The following BLNK variants were observed in gnomAD, a reference collection of about 807,000 sequenced individuals.
BLNK encodes B cell linker.
In BLNK, 29 loss-of-function variants were observed where a neutral mutation model predicts 73.5. The observed-to-expected ratio is 0.39, with a 90% CI of 0.29 to 0.54. The LOEUF is 0.54. BLNK is among the 20% of genes least tolerant of loss of function. The pLI, the probability that BLNK is intolerant of heterozygous loss-of-function variation, is 0.61. For synonymous variants in BLNK, 176 were observed against 200.8 expected, an observed-to-expected ratio of 0.88 and a Z score of 1.04; for missense variants, 460 against 562.8, an observed-to-expected ratio of 0.82 and a Z score of 1.85.
intron 1 of BLNK, among the ~76,000 whole-genome samples, chr10:96,248,456 G>A (rs1404929195): frequency 6.6e-6 from 1 of 152,076 alleles, no homozygotes; most frequent in East Asian, 1.9e-4. Context: ...ATGTCTTTTC[G>A]CCTATCAGAC....
intron 3 of BLNK, among the ~76,000 whole-genome samples, chr10:96,231,271 G>A (rs371359816): frequency 1.3e-5 from 2 of 152,192 alleles, no homozygotes; most frequent in East Asian, 1.9e-4. Flanking sequence ...TCTGAGCCTC[G>A]GTTTCCAGAT....
chr10:96,230,957 G>T, intron 3 of BLNK, 123 bp from the exon 4 acceptor site: 1 of 939,754 alleles, frequency 1.1e-6, no homozygotes, highest in South Asian at 1.4e-5. Flanking sequence ...CCATATACTT[G>T]ACCTTGGGTT....
chr10:96,193,163 T>A (rs1554893904), intron 16 of BLNK, among the ~76,000 whole-genome samples: 1 of 152,226 alleles, frequency 6.6e-6, no homozygotes, highest in African/African-American at 2.4e-5. Flanking sequence ...ATACCTTTAG[T>A]CTTTATTCTT....
intron 1 of BLNK, among the ~76,000 whole-genome samples, chr10:96,255,477 G>T (rs1667525108): frequency 6.6e-6 from 1 of 151,548 alleles, no homozygotes; most frequent in Admixed American, 6.6e-5. Context: ...GACAATGATA[G>T]GCAGGTTTCA....
chr10:96,236,659 A>C (rs1842702031), intron 3 of BLNK, among the ~76,000 whole-genome samples: 2 of 151,990 alleles, frequency 1.3e-5, no homozygotes, highest in South Asian at 4.2e-4. Context: ...TTGTCTCTAC[A>C]AAAAAGATTT....
chr10:96,204,685 A>C, intron 11 of BLNK, 69 bp from the exon 12 acceptor site: 1 of 1,502,984 alleles, frequency 6.7e-7, no homozygotes, highest in Non-Finnish European at 9.2e-7. Flanking sequence ...ACCCAGCAAC[A>C]TCAGCTGAGA....
intron 1 of BLNK, among the ~76,000 whole-genome samples, chr10:96,263,251 G>A (rs1467212203): frequency 6.6e-6 from 1 of 152,184 alleles, no homozygotes; most frequent in African/African-American, 2.4e-5. Context: ...GACCCTGTGC[G>A]ACTGTATGGC....
At chr10:96,227,805 C>T (rs376396060) in intron 4 of BLNK, among the ~76,000 whole-genome samples, 1 of 152,146 alleles carries the variant, frequency 6.6e-6, no homozygotes, top group South Asian at 2.1e-4. Flanking sequence ...AACTACTTAA[C>T]GCTAATGGGA....
At chr10:96,209,803 G>C in intron 9 of BLNK, 35 bp downstream of exon 9, 1 of 1,613,482 alleles carries the variant, frequency 6.2e-7, no homozygotes, top group Non-Finnish European at 8.5e-7. Context: ...TCACTCCCCA[G>C]ATCTCAAAAG....
chr10:96,209,546 C>T (rs2083899338), intron 9 of BLNK, among the ~76,000 whole-genome samples: 1 of 152,194 alleles, frequency 6.6e-6, no homozygotes, highest in Non-Finnish European at 1.5e-5. Context: ...GTGTGTGCCA[C>T]CACGCCTGGC....
At chr10:96,259,159 C>A (rs1358026114) in intron 1 of BLNK, among the ~76,000 whole-genome samples, 4 of 152,218 alleles carry the variant, frequency 2.6e-5, no homozygotes, top group Admixed American at 6.5e-5. Flanking sequence ...TACGTTGCCT[C>A]TTTGGATACC....
At position 96,189,380 on chromosome 10, in the gene BLNK, G is replaced by T; in HGVS notation, c.*2593C>A. 1 of 575,882 alleles carries T rather than the reference G, an allele frequency of 1.7e-6. No individual in the cohort carries two copies. The highest frequency in any genetic ancestry group is 2.1e-5 in the Admixed American group (1 of 48,576). 35.7% of individuals were successfully genotyped at this position (575,882 alleles called of 1,614,324 possible). ...ATTTTCTAAAGAGACTTCCTCCACT[G>T]CCAGGATCTTGAATAGTCTCCTGGT... On this transcript the variant is annotated 3_prime_UTR_variant, in exon 17 of 17. Transcript: ENST00000224337.
At chr10:96,265,195 G>C (rs1843947066) in intron 1 of BLNK, among the ~76,000 whole-genome samples, 1 of 150,736 alleles carries the variant, frequency 6.6e-6, no homozygotes, top group Non-Finnish European at 1.5e-5. Flanking sequence ...TGTTGACCCG[G>C]CTGGTCTTGA....
chr10:96,255,747 T>C (rs1843480538), intron 1 of BLNK, among the ~76,000 whole-genome samples: 1 of 152,200 alleles, frequency 6.6e-6, no homozygotes, highest in African/African-American at 2.4e-5. Flanking sequence ...AAGCCTACAC[T>C]TTCCCCTTTA....
intron 16 of BLNK, among the ~76,000 whole-genome samples, chr10:96,194,839 C>T (rs1054469705): frequency 9.1e-5 from 13 of 143,544 alleles, no homozygotes; most frequent in African/African-American, 5.2e-5. Context: ...GGCGCGATCT[C>T]GACTCACTGC....
intron 5 of BLNK, among the ~76,000 whole-genome samples, chr10:96,226,062 G>A (rs1278357162): frequency 2.6e-5 from 4 of 152,212 alleles, no homozygotes; most frequent in African/African-American, 9.7e-5. Flanking sequence ...GTGGTGCACA[G>A]AGCCGAGTTG....
intron 6 of BLNK, among the ~76,000 whole-genome samples, chr10:96,219,874 T>G (rs1349836882): frequency 2.0e-5 from 3 of 152,226 alleles, no homozygotes; most frequent in Non-Finnish European, 4.4e-5. Context: ...GAAGCTTGCA[T>G]GGGTGAATGC....
intron 10 of BLNK, 146 bp downstream of exon 10, chr10:96,207,726 G>T: frequency 1.1e-6 from 1 of 923,818 alleles, no homozygotes; most frequent in Non-Finnish European, 1.7e-6. Context: ...AGGATTTGAA[G>T]CTTCTCTTGG....
At chr10:96,192,456 T>G (rs1042384538) in intron 16 of BLNK, among the ~76,000 whole-genome samples, 18 of 152,220 alleles carry the variant, frequency 1.2e-4, no homozygotes, top group African/African-American at 4.3e-4. Context: ...TCTCTTACTT[T>G]GCACAAGTCT....
Sources: gnomAD v4.1 joint callset for allele counts (sites outside exome capture counted in the v4.1 genomes callset) on GRCh38, gnomAD v4.1.1 for gene constraint, MANE v1.5 for transcripts, NCBI Gene and HGNC (gene_info 2026-07-23, HGNC 2026-07-21) for gene names.